Variants in GFRAL observed in about 807,000 individuals in gnomAD.
GFRAL encodes the protein GDNF family receptor alpha like, also known as GDNF family receptor alpha-like.
In GFRAL, 36 loss-of-function variants were observed where a neutral mutation model predicts 45.4. The observed-to-expected ratio is 0.79, with a 90% CI of 0.61 to 1.05. GFRAL has a LOEUF of 1.05. Ranked by LOEUF, GFRAL falls within the 50% of genes least tolerant of loss-of-function variation. The pLI is 0.00. For synonymous variants in GFRAL, 166 were observed against 154.1 expected, an observed-to-expected ratio of 1.08 and a Z score of -0.57; for missense variants, 507 against 467.5, an observed-to-expected ratio of 1.08 and a Z score of -0.78.
chr6:55,342,853 C>T (rs1302153465), intron 3 of GFRAL, among the ~76,000 whole-genome samples: 1 of 151,274 alleles, frequency 6.6e-6, no homozygotes, highest in Non-Finnish European at 1.5e-5. Context: ...AAATGGAAAA[C>T]AAAAAAAGGC....
chr6:55,356,202 C>T (rs1361133868), intron 5 of GFRAL, among the ~76,000 whole-genome samples: 1 of 151,802 alleles, frequency 6.6e-6, no homozygotes, highest in Non-Finnish European at 1.5e-5. Flanking sequence ...TATGTCTTGT[C>T]TGGTTTTGGT....
At chr6:55,384,458 G>A (rs1016819496) in intron 6 of GFRAL, among the ~76,000 whole-genome samples, 6 of 151,408 alleles carry the variant, frequency 4.0e-5, no homozygotes, top group Admixed American at 1.3e-4. Context: ...AATTCCCATT[G>A]GCCCCACAAT....
chr6:55,346,838 C>CA (rs144964557), intron 3 of GFRAL, among the ~76,000 whole-genome samples: 6 of 72,084 alleles, frequency 8.3e-5, no homozygotes, highest in South Asian at 6.8e-4. Flanking sequence ...AAATCCCCCC[C>CA]CCCCAAAAAA....
chr6:55,349,801 T>C (rs570002200), intron 3 of GFRAL, among the ~76,000 whole-genome samples: 8 of 151,794 alleles, frequency 5.3e-5, no homozygotes, highest in Admixed American at 4.6e-4. Context: ...ATCCAATGTT[T>C]GTTTACTCCG....
chr6:55,337,691 C>T (rs1348647599), intron 3 of GFRAL, among the ~76,000 whole-genome samples: 1 of 152,086 alleles, frequency 6.6e-6, no homozygotes, highest in Admixed American at 6.6e-5. Flanking sequence ...TTTCAGTTTA[C>T]TGTTTCTTTT....
At chr6:55,356,959 A>G (rs1562054747) in intron 5 of GFRAL, among the ~76,000 whole-genome samples, 1 of 151,820 alleles carries the variant, frequency 6.6e-6, no homozygotes, top group Non-Finnish European at 1.5e-5. Flanking sequence ...ACACTGGACA[A>G]TCAGGAGCAT....
chr6:55,349,215 A>G (rs971225594), intron 3 of GFRAL, among the ~76,000 whole-genome samples: 3 of 152,130 alleles, frequency 2.0e-5, no homozygotes, highest in African/African-American at 7.2e-5. Context: ...GTTTCCTGTG[A>G]TAGTACCATC....
At chr6:55,362,922 T>G (rs1311541360) in intron 6 of GFRAL, among the ~76,000 whole-genome samples, 66 of 130,790 alleles carry the variant, frequency 5.0e-4, no homozygotes, top group East Asian at 1.6e-3. Context: ...GAAGGAAGAG[T>G]AGGAGAAGAA....
At chr6:55,343,955 G>C (rs965005404) in intron 3 of GFRAL, among the ~76,000 whole-genome samples, 16 of 152,186 alleles carry the variant, frequency 1.1e-4, no homozygotes, top group Admixed American at 7.2e-4. Context: ...ATAAATTCCT[G>C]GATGCATACA....
intron 6 of GFRAL, among the ~76,000 whole-genome samples, chr6:55,397,622 T>A (rs894392770): frequency 7.3e-5 from 11 of 151,566 alleles, no homozygotes; most frequent in African/African-American, 2.7e-4. Context: ...ACTTTTCTAG[T>A]CTTGTGTTGG....
intron 3 of GFRAL, among the ~76,000 whole-genome samples, chr6:55,337,717 T>A (rs1767910298): frequency 6.6e-6 from 1 of 152,216 alleles, no homozygotes; most frequent in Non-Finnish European, 1.5e-5. Context: ...TCTATCTCCC[T>A]ACAAAATTGC....
intron 6 of GFRAL, among the ~76,000 whole-genome samples, chr6:55,379,466 T>A (rs1479131973): frequency 1.3e-5 from 2 of 151,612 alleles, no homozygotes; most frequent in African/African-American, 2.4e-5. Context: ...CTGCTACACA[T>A]TTTTCAGAAT....
In GFRAL at chr6:55,395,172, AAAAAT is replaced by A. The variant is rs1208956833; in HGVS notation, c.953-4006_953-4002del. Among the ~76,000 whole-genome samples, 429 of 123,976 alleles carry A rather than the reference AAAAAT, an allele frequency of 3.5e-3. 3 individuals carry two copies. The highest frequency in any genetic ancestry group is 0.011 in the African/African-American group (362 of 32,590). The allele number at this position is 123,976 out of a possible 152,430, so 81.3% of individuals were successfully genotyped here. On this transcript the variant is annotated intron_variant, in intron 6 of 8. Coordinates refer to ENST00000340465, the MANE Select transcript of GFRAL (RefSeq NM_207410.2). ...TTCAATCAGCCTATGGAAAAAAAAA[AAAAAT>A]ATATATATATATATATAAGCCAGCT... is the stretch of plus-strand genomic sequence containing the variant.
chr6:55,385,991 G>C (rs536157763), intron 6 of GFRAL, among the ~76,000 whole-genome samples: 1 of 152,204 alleles, frequency 6.6e-6, no homozygotes, highest in African/African-American at 2.4e-5. Context: ...GACTGTGTAT[G>C]TGGCCCCCTC....
intron 6 of GFRAL, among the ~76,000 whole-genome samples, chr6:55,362,066 T>G (rs186924933): frequency 2.0e-5 from 3 of 152,164 alleles, no homozygotes; most frequent in Admixed American, 1.3e-4. Context: ...TCCCCAATGC[T>G]GACCACTACC....
intron 6 of GFRAL, among the ~76,000 whole-genome samples, chr6:55,390,039 G>A (rs759351950): frequency 7.2e-5 from 11 of 152,182 alleles, no homozygotes; most frequent in Non-Finnish European, 1.3e-4. Flanking sequence ...ACTGCCTAAG[G>A]TTTCCCAAAA....
intron 6 of GFRAL, among the ~76,000 whole-genome samples, chr6:55,368,611 T>G (rs1768400901): frequency 6.6e-6 from 1 of 152,012 alleles, no homozygotes; most frequent in Admixed American, 6.5e-5. Context: ...GATGTACAGA[T>G]GGGTTTTTGG....
chr6:55,390,895 T>TACAC (rs34769114), intron 6 of GFRAL, among the ~76,000 whole-genome samples: 35,045 of 135,120 alleles, frequency 0.26, 4,660 homozygotes, highest in Non-Finnish European at 0.32. Context: ...CTCACACACA[T>TACAC]ACACACACAC....
chr6:55,395,046 T>C (rs1241140669), intron 6 of GFRAL, among the ~76,000 whole-genome samples: 10 of 151,734 alleles, frequency 6.6e-5, no homozygotes, highest in East Asian at 3.9e-4. Flanking sequence ...CTCAGTAACA[T>C]ATAAAACTTT....
Sources: allele counts gnomAD v4.1 joint callset (sites outside exome capture counted in the v4.1 genomes callset), GRCh38; gene constraint gnomAD v4.1.1; transcripts MANE v1.5; gene names NCBI Gene and HGNC (gene_info 2026-07-23, HGNC 2026-07-21).